The following UCK2 variants were observed in gnomAD, a reference collection of about 807,000 sequenced individuals.
UCK2 encodes the protein uridine-cytidine kinase 2, also known as cytidine monophosphokinase 2.
Under a neutral mutation model 30.8 loss-of-function variants are expected in UCK2, and 6 were observed. That is an observed-to-expected ratio of 0.19 (90% CI 0.11 to 0.38). UCK2 has a LOEUF of 0.38. Ranked by LOEUF, UCK2 falls within the 10% of genes least tolerant of loss-of-function variation. The probability of loss-of-function intolerance (pLI) is 1.00; values close to 1 mark genes in which losing one functional copy is unlikely to be tolerated. For missense variants in UCK2, 210 were observed against 339.8 expected, an observed-to-expected ratio of 0.62 and a Z score of 3.00; for synonymous variants, 125 against 133.6, an observed-to-expected ratio of 0.94 and a Z score of 0.45.
Position 165,894,876 on chromosome 1 carries a change from T to C in UCK2, c.357-1314T>C, listed in dbSNP as rs116483088. On this transcript the variant is annotated intron_variant, in intron 3 of 6. Coordinates refer to ENST00000367879, the MANE Select transcript of UCK2 (RefSeq NM_012474.5). ...ATGGAACTACTGTTTTAAGAGACTT[T>C]GTTTTATTTGGTTTGCCAGTGTGCT... Among the ~76,000 whole-genome samples the C allele has an allele frequency of 7.1e-4, 108 of 152,312 alleles. 1 individual carries two copies. The Middle Eastern group carries it at 0.01, about 14-fold the overall frequency.
chr1:165,880,429 C>T (rs1033315773), intron 1 of UCK2, among the ~76,000 whole-genome samples: 2 of 152,190 alleles, frequency 1.3e-5, no homozygotes, highest in Admixed American at 6.5e-5. Context: ...TAGACCCAGC[C>T]TCACTTGCAC....
chr1:165,902,986 T>G, intron 4 of UCK2, 196 bp from the exon 5 acceptor site: 1 of 437,122 alleles, frequency 2.3e-6, no homozygotes, highest in Non-Finnish European at 4.1e-6. Context: ...AGTTTGACCA[T>G]TGTAAGATGT....
At chr1:165,882,804 A>C (rs1655529766) in intron 1 of UCK2, among the ~76,000 whole-genome samples, 2 of 151,924 alleles carry the variant, frequency 1.3e-5, no homozygotes, top group Non-Finnish European at 2.9e-5. Context: ...TTTTGGGGGG[A>C]CACATTCAGA....
Position 165,864,945 on chromosome 1 carries a change from C to T in UCK2, c.100-25259C>T, listed in dbSNP as rs535156531. Among the ~76,000 whole-genome samples, 3 of 152,240 alleles carry T rather than the reference C, an allele frequency of 2.0e-5. No individual in the cohort carries two copies. In the East Asian group the frequency reaches 5.8e-4, roughly 29 times the overall value. ...TCAATTGAGCCTCCCATCCCAGCTC[C>T]CAAAGTATTGGGATTACAGGTGTTA... On this transcript the variant is annotated intron_variant, in intron 1 of 6. Coordinates refer to ENST00000367879, the MANE Select transcript of UCK2 (RefSeq NM_012474.5).
chr1:165,837,153 TG>T (rs1374203608), intron 1 of UCK2, among the ~76,000 whole-genome samples: 6 of 152,188 alleles, frequency 3.9e-5, no homozygotes, highest in African/African-American at 1.4e-4. Flanking sequence ...ACTGCCACAT[TG>T]GGCATCAAGT....
At chr1:165,907,090 G>A (rs1045235065) in intron 6 of UCK2, among the ~76,000 whole-genome samples, 2 of 152,152 alleles carry the variant, frequency 1.3e-5, no homozygotes, top group Non-Finnish European at 2.9e-5. Flanking sequence ...ACAGTCTGAA[G>A]GAATTATCCC....
chr1:165,834,588 G>A (rs979716468), intron 1 of UCK2, among the ~76,000 whole-genome samples: 3 of 152,236 alleles, frequency 2.0e-5, no homozygotes, highest in African/African-American at 7.2e-5. Context: ...TTGATTGGAT[G>A]AGGGGGCAGT....
intron 1 of UCK2, among the ~76,000 whole-genome samples, chr1:165,889,630 T>G (rs1270243093): frequency 6.6e-6 from 1 of 151,860 alleles, no homozygotes; most frequent in African/African-American, 2.4e-5. Context: ...GGAAGGAACT[T>G]TGGGGATCCT....
chr1:165,867,864 A>G (rs1439804682), intron 1 of UCK2, among the ~76,000 whole-genome samples: 1 of 152,228 alleles, frequency 6.6e-6, no homozygotes, highest in Non-Finnish European at 1.5e-5. Flanking sequence ...AAATGTTGTT[A>G]ATGGCATCTA....
At chr1:165,893,752 GTTT>G (rs532523626) in intron 3 of UCK2, among the ~76,000 whole-genome samples, 1 of 152,132 alleles carries the variant, frequency 6.6e-6, no homozygotes, top group Non-Finnish European at 1.5e-5. Context: ...ATTTGTTGTT[GTTT>G]TTTAAAAACT....
intron 1 of UCK2, among the ~76,000 whole-genome samples, chr1:165,835,943 A>G (rs1226859283): frequency 6.6e-6 from 1 of 152,194 alleles, no homozygotes; most frequent in African/African-American, 2.4e-5. Flanking sequence ...AAACAAATGG[A>G]TACTGCCGGG....
intron 1 of UCK2, among the ~76,000 whole-genome samples, chr1:165,886,579 G>A (rs1020676958): frequency 2.0e-5 from 3 of 152,188 alleles, no homozygotes; most frequent in African/African-American, 4.8e-5. Context: ...ATAGGTGCAC[G>A]CCACTGTGCC....
chr1:165,865,097 C>G (rs1260902435), intron 1 of UCK2, among the ~76,000 whole-genome samples: 3 of 152,232 alleles, frequency 2.0e-5, no homozygotes, highest in Non-Finnish European at 4.4e-5. Flanking sequence ...CCTTTGGTAG[C>G]TGTACACATC....
intron 1 of UCK2, among the ~76,000 whole-genome samples, chr1:165,833,211 G>C (rs1028749823): frequency 6.6e-6 from 1 of 152,170 alleles, no homozygotes; most frequent in African/African-American, 2.4e-5. Flanking sequence ...GGGCTGGTTT[G>C]GTCCTTTTGC....
At chr1:165,852,513 A>G (rs569025438) in intron 1 of UCK2, among the ~76,000 whole-genome samples, 2 of 152,362 alleles carry the variant, frequency 1.3e-5, no homozygotes, top group South Asian at 4.1e-4. Context: ...AACCACAATG[A>G]GATACCACCA....
At position 165,857,067 on chromosome 1, in the gene UCK2, A is replaced by C. The variant is rs1428720357; in HGVS notation, c.99+29135A>C. ...GACTTATAGTTACTAGAATCTTCAC[A>C]TCTGCTTTCTCGAGTGACCTTGAGT... On this transcript the variant is annotated intron_variant, in intron 1 of 6. Transcript: ENST00000367879. Among the ~76,000 whole-genome samples, 4 of 152,152 alleles carry C rather than the reference A, an allele frequency of 2.6e-5. No individual in the cohort carries two copies. The South Asian group carries it at 8.3e-4, about 32-fold the overall frequency.
intron 1 of UCK2, among the ~76,000 whole-genome samples, chr1:165,885,749 CTA>C (rs1655599906): frequency 6.6e-6 from 1 of 152,146 alleles, no homozygotes; most frequent in East Asian, 1.9e-4. Context: ...CTCTTTGCCT[CTA>C]TGTTTGCCAT....
At position 165,891,316 on chromosome 1, in the gene UCK2, A is replaced by G; in HGVS notation, c.350A>G (p.His117Arg). ...ATCCCCGTGTATGACTTTGTCTCCCATTCCCGGTAAGTGAGCTGTTCTGGG... is the reference window on the plus strand; with the variant it reads ...ATCCCCGTGTATGACTTTGTCTCCCGTTCCCGGTAAGTGAGCTGTTCTGGG... ...VQIPVYDFVS[H>R]SRKEETVTVY... Residue 117 changes from histidine to arginine, a missense_variant, in exon 3 of 7, where the codon CAT becomes CGT. His to Arg is a conservative substitution (Grantham distance 29). This residue lies in a region of UCK2 where 75 missense variants were observed against 124.7 expected (regional missense o/e 0.60). Coordinates refer to ENST00000367879, the MANE Select transcript of UCK2 (RefSeq NM_012474.5). The G allele has an allele frequency of 1.9e-6, 3 of 1,614,174 alleles. No individual in the cohort carries two copies. The highest frequency in any genetic ancestry group is 2.5e-6 in the Non-Finnish European group (3 of 1,179,972).
At position 165,878,898 on chromosome 1, in the gene UCK2, C is replaced by T. The variant is rs540390520; in HGVS notation, c.100-11306C>T. Among the ~76,000 whole-genome samples, 9 of 152,364 alleles carry T rather than the reference C, an allele frequency of 5.9e-5. No individual in the cohort carries two copies. In the East Asian group the frequency reaches 1.7e-3, roughly 29 times the overall value. Reference sequence around the variant, plus strand: ...GTTTCACAGGAAACTGCCAAATTGTCTTCCAAAGTGGCTATACCATTTTGC... The same window carrying T: ...GTTTCACAGGAAACTGCCAAATTGTTTTCCAAAGTGGCTATACCATTTTGC... On this transcript the variant is annotated intron_variant, in intron 1 of 6. Transcript: ENST00000367879.
Sources: allele counts gnomAD v4.1 joint callset (sites outside exome capture counted in the v4.1 genomes callset), GRCh38; gene constraint gnomAD v4.1.1; regional missense constraint gnomAD v4.1.1; transcripts MANE v1.5; gene names NCBI Gene and HGNC (gene_info 2026-07-23, HGNC 2026-07-21).